ZNF93: variants seen among roughly 807,000 people sequenced by gnomAD.
The protein encoded by ZNF93 is zinc finger protein 505.
Under a neutral mutation model 45.0 loss-of-function variants are expected in ZNF93, and 29 were observed. The observed-to-expected ratio is 0.64, with a 90% CI of 0.48 to 0.88. The LOEUF (loss-of-function observed/expected upper bound fraction) is 0.88, where lower values mean the gene tolerates loss of function less well. Ranked by LOEUF, ZNF93 falls within the 40% of genes least tolerant of loss-of-function variation. The pLI is 0.00. For synonymous variants in ZNF93, 223 were observed against 244.6 expected (o/e 0.91, Z 0.82); for missense variants, 578 against 724.0 (o/e 0.80, Z 2.31).
At position 19,925,873 on chromosome 19, in the gene ZNF93, T is replaced by C. The variant is rs180960723; in HGVS notation, c.227-7309T>C. On this transcript the variant is annotated intron_variant, in intron 3 of 3. Coordinates refer to ENST00000343769, the MANE Select transcript of ZNF93 (RefSeq NM_031218.4). ...AAAATTGGATTACAGCAGTTTCATT[T>C]TGTGTAAGAATAGCATATATTTAAA... Among the ~76,000 whole-genome samples, 532 of 152,262 alleles carry C rather than the reference T, an allele frequency of 3.5e-3. 4 individuals are homozygous for C. The highest frequency in any genetic ancestry group is 0.012 in the African/African-American group (511 of 41,560).
intron 3 of ZNF93, among the ~76,000 whole-genome samples, chr19:19,930,423 C>T (rs1055627848): frequency 1.3e-5 from 2 of 152,142 alleles, no homozygotes; most frequent in Non-Finnish European, 2.9e-5. Context: ...ATGTCAGGCC[C>T]TCCACAAGAG....
intron 3 of ZNF93, among the ~76,000 whole-genome samples, chr19:19,920,059 C>T (rs991575303): frequency 2.6e-5 from 4 of 152,104 alleles, no homozygotes; most frequent in African/African-American, 9.7e-5. Context: ...CCAGTTTTTG[C>T]CCATTCAGTA....
At chr19:19,922,302 C>T (rs1239835349) in intron 3 of ZNF93, among the ~76,000 whole-genome samples, 4 of 152,182 alleles carry the variant, frequency 2.6e-5, no homozygotes, top group African/African-American at 7.2e-5. Context: ...AGAGTTTCTG[C>T]CGAGAGGTCA....
intron 1 of ZNF93, among the ~76,000 whole-genome samples, chr19:19,903,250 A>T (rs2063281402): frequency 6.6e-6 from 1 of 152,174 alleles, no homozygotes; most frequent in Non-Finnish European, 1.5e-5. Context: ...AAGATTAGAA[A>T]GGAGGTGGGA....
At chr19:19,907,972 A>C (rs945282282) in intron 1 of ZNF93, among the ~76,000 whole-genome samples, 2 of 152,236 alleles carry the variant, frequency 1.3e-5, no homozygotes, top group Non-Finnish European at 2.9e-5. Flanking sequence ...TAAATGCTAC[A>C]TACATTACTA....
At chr19:19,930,556 A>G (rs1299611665) in intron 3 of ZNF93, among the ~76,000 whole-genome samples, 1 of 140,344 alleles carries the variant, frequency 7.1e-6, no homozygotes, top group Non-Finnish European at 1.5e-5. Context: ...TCTGCTAGGC[A>G]ACGGGCGTCT....
chr19:19,910,838 T>C (rs2063305714), intron 1 of ZNF93, among the ~76,000 whole-genome samples: 2 of 152,144 alleles, frequency 1.3e-5, no homozygotes, highest in Admixed American at 1.3e-4. Context: ...GGACCAGAAC[T>C]TGGATTGAGA....
chr19:19,901,039 G>C lies in ZNF93; in HGVS notation c.-50G>C. 4 of 1,612,170 alleles carry C rather than the reference G, an allele frequency of 2.5e-6. No individual in the cohort carries two copies. Among genetic ancestry groups the C allele is most frequent in the Non-Finnish European group, 3.4e-6 (4 of 1,178,614 alleles). Reference sequence around the variant, plus strand: ...AGCCTCTGTGGCCCTGTGACCTGCAGGTATTGGGAGATCCACAGCTAAGAC... The same window carrying C: ...AGCCTCTGTGGCCCTGTGACCTGCACGTATTGGGAGATCCACAGCTAAGAC... On this transcript the variant is annotated 5_prime_UTR_variant, in exon 1 of 4. Transcript: ENST00000343769.
At chr19:19,903,152 C>T (rs1018068168) in intron 1 of ZNF93, among the ~76,000 whole-genome samples, 34 of 152,090 alleles carry the variant, frequency 2.2e-4, no homozygotes, top group African/African-American at 8.2e-4. Context: ...AGTATTACAA[C>T]AGGAGGAAGT....
At chr19:19,903,212 G>C (rs967387630) in intron 1 of ZNF93, among the ~76,000 whole-genome samples, 3 of 152,194 alleles carry the variant, frequency 2.0e-5, no homozygotes, top group African/African-American at 7.2e-5. Context: ...AGGCAGAAAA[G>C]GGCTTTTCTC....
chr19:19,901,292 CACTGTGCGGTG>C (rs2063269921), intron 1 of ZNF93, among the ~76,000 whole-genome samples: 2 of 152,204 alleles, frequency 1.3e-5, no homozygotes, highest in South Asian at 4.1e-4. Flanking sequence ...CCTGTCTCTT[CACTGTGCGGTG>C]ACTGTGCCCT....
intron 3 of ZNF93, chr19:19,932,871 T>A (rs7256224): frequency 0.42 from 72,154 of 173,026 alleles, 20,526 homozygotes; most frequent in African/African-American, 0.82. Flanking sequence ...TTGAAAATGC[T>A]GTGAGTCATT....
intron 3 of ZNF93, among the ~76,000 whole-genome samples, chr19:19,931,609 C>G (rs150717099): frequency 6.6e-6 from 1 of 152,260 alleles, no homozygotes; most frequent in African/African-American, 2.4e-5. Context: ...AAGTGATCAG[C>G]CCATCTTGAA....
At chr19:19,916,704 C>T (rs1447245331) in intron 3 of ZNF93, 49 bp downstream of exon 3, 1 of 1,397,434 alleles carries the variant, frequency 7.2e-7, no homozygotes. Context: ...TAAGAGGTCC[C>T]AAGGCCAAAG....
Position 19,933,491 on chromosome 19 carries a change from G to A in ZNF93, c.536G>A (p.Gly179Asp). The change falls in exon 4 of 4, where the codon GGC becomes GAC. Residue 179 changes from glycine (G) to aspartate (D), a missense_variant. This residue lies in a region of ZNF93 where 446 missense variants were observed against 547.6 expected (regional missense o/e 0.81). Coordinates refer to ENST00000343769, the MANE Select transcript of ZNF93 (RefSeq NM_031218.4). ...AAACCTTTCAAATGCATAGAATGTG[G>A]CAAAGCTTTTAACCAGTTCTCAACC... The part of the protein sequence containing the change: ...EKKPFKCIEC[G>D]KAFNQFSTLI... 6.2e-7 allele frequency: 1 copy of A among 1,606,644 alleles called. No homozygotes were observed.
intron 3 of ZNF93, among the ~76,000 whole-genome samples, chr19:19,925,462 G>A (rs1381352541): frequency 2.6e-5 from 4 of 152,156 alleles, no homozygotes; most frequent in Non-Finnish European, 5.9e-5. Flanking sequence ...TTTGCTGTAA[G>A]GGGATATGAA....
chr19:19,901,176 C>T (rs2063269365), intron 1 of ZNF93, 85 bp downstream of exon 1: 1 of 1,590,882 alleles, frequency 6.3e-7, no homozygotes. Flanking sequence ...ACTCAGGTAT[C>T]CCCTTAGTCA....
At position 19,905,608 on chromosome 19, in the gene ZNF93, T is replaced by G. The variant is rs565962479; in HGVS notation, c.3+4517T>G. Among the ~76,000 whole-genome samples, 30 of 152,190 alleles carry G rather than the reference T, an allele frequency of 2.0e-4. 1 individual carries two copies. The highest frequency in any genetic ancestry group is 2.2e-4 in the Non-Finnish European group (15 of 68,040). ...TCCATATTTTGTTTTTGCTAAATCT[T>G]TTATTTTTGGTCTCACTTATGGCCC... On this transcript the variant is annotated intron_variant, in intron 1 of 3. Coordinates refer to ENST00000343769, the MANE Select transcript of ZNF93 (RefSeq NM_031218.4).
rs1236391287 is a variant in ZNF93 at position 19,933,699 on chromosome 19, G to A, written c.744G>A (p.Glu248=). The A allele has an allele frequency of 5.0e-6, 8 of 1,612,610 alleles. No individual in the cohort carries two copies. Among genetic ancestry groups the A allele is most frequent in the Admixed American group, 3.3e-5 (2 of 59,878 alleles). ...FIASSTLSKH[E]IIHTGKKPYK... ...CATCCTCAACCCTTAGTAAACATGAGATCATTCATACTGGAAAGAAACCCT... is the reference window on the plus strand; with the variant it reads ...CATCCTCAACCCTTAGTAAACATGAAATCATTCATACTGGAAAGAAACCCT... The change falls in exon 4 of 4, where the codon GAG becomes GAA. Residue 248 remains glutamate (E), a synonymous_variant. Coordinates refer to ENST00000343769, the MANE Select transcript of ZNF93 (RefSeq NM_031218.4).
Sources: gnomAD v4.1 joint callset for allele counts (sites outside exome capture counted in the v4.1 genomes callset) on GRCh38, gnomAD v4.1.1 for gene constraint, gnomAD v4.1.1 regional missense constraint, MANE v1.5 for transcripts, NCBI Gene and HGNC (gene_info 2026-07-23, HGNC 2026-07-21) for gene names.